The following KRT8 variants were observed in gnomAD, a reference collection of about 807,000 sequenced individuals.
KRT8 encodes keratin, type II cytoskeletal 8.
A neutral mutation model predicts 43.0 loss-of-function variants in KRT8; 24 were observed. The observed-to-expected ratio is 0.56, with a 90% confidence interval of 0.40 to 0.78. The LOEUF is 0.78. Among genes scored for constraint, KRT8 ranks in the 30% least tolerant of loss-of-function variants. The pLI is 0.00. For synonymous variants in KRT8, 214 were observed against 261.2 expected (o/e 0.82, Z 1.74); for missense variants, 492 against 638.4 (o/e 0.77, Z 2.47).
intron 2 of KRT8, among the ~76,000 whole-genome samples, chr12:52,944,941 A>G (rs751336349): frequency 3.5e-4 from 54 of 152,156 alleles, no homozygotes; most frequent in Non-Finnish European, 6.8e-4. Flanking sequence ...CCTGCTCCGC[A>G]GCTGCCTCTG....
chr12:52,905,506 T>C (rs1398629002), upstream of KRT8, among the ~76,000 whole-genome samples: 1 of 152,094 alleles, frequency 6.6e-6, no homozygotes, highest in Non-Finnish European at 1.5e-5. Context: ...GAAACTCTCC[T>C]GTGTTCTCCC....
chr12:52,899,463 T>C (rs1404192509), intron 5 of KRT8, among the ~76,000 whole-genome samples: 1 of 152,118 alleles, frequency 6.6e-6, no homozygotes, highest in Non-Finnish European at 1.5e-5. Context: ...TTCTAGACTT[T>C]CCTTAAAGCA....
intron 2 of KRT8, among the ~76,000 whole-genome samples, chr12:52,937,443 T>C (rs1042941691): frequency 6.6e-6 from 1 of 151,108 alleles, no homozygotes; most frequent in East Asian, 1.9e-4. Context: ...ATCCCAGCAC[T>C]TTGGGAGGCT....
intron 2 of KRT8, among the ~76,000 whole-genome samples, chr12:52,915,848 C>T (rs551219493): frequency 2.6e-5 from 4 of 152,258 alleles, no homozygotes; most frequent in Non-Finnish European, 4.4e-5. Context: ...TAAAGATATC[C>T]GTGTACACAC....
chr12:52,939,389 A>G (rs1285616319), intron 2 of KRT8, among the ~76,000 whole-genome samples: 1 of 152,146 alleles, frequency 6.6e-6, no homozygotes, highest in Non-Finnish European at 1.5e-5. Flanking sequence ...CTTTAGTCCC[A>G]GCTACTTGGG....
At chr12:52,948,706 G>T in intron 2 of KRT8, 1 of 386,818 alleles carries the variant, frequency 2.6e-6, no homozygotes, top group Non-Finnish European at 4.6e-6. Flanking sequence ...TGGCTAGGAT[G>T]GTCTCGATCT....
chr12:52,910,337 C>T (rs150099507), upstream of KRT8, among the ~76,000 whole-genome samples: 442 of 152,330 alleles, frequency 2.9e-3, 1 homozygote, highest in Non-Finnish European at 5.3e-3. Flanking sequence ...AGCTCTGGTC[C>T]CAACACCAAG....
At chr12:52,897,594 C>T (rs1065648) in exon 8 of KRT8, 6 of 1,598,138 alleles carry the variant, frequency 3.8e-6, no homozygotes, top group African/African-American at 1.3e-5. Context: ...GCTTGTGAGG[C>T]CCCCATAGGC....
intron 2 of KRT8, among the ~76,000 whole-genome samples, chr12:52,917,399 CAA>C (rs1280389241): frequency 1.6e-5 from 2 of 123,346 alleles, no homozygotes. Context: ...AACTCCATCT[CAA>C]AAAAAAAAAA....
chr12:52,900,490 T>C (rs1941339629), intron 4 of KRT8, 98 bp downstream of exon 4: 1 of 800,976 alleles, frequency 1.2e-6, no homozygotes, highest in South Asian at 1.4e-5. Context: ...TTTGTCTTAT[T>C]AGTGTGCTGG....
intron 1 of KRT8, among the ~76,000 whole-genome samples, chr12:52,903,041 TA>T (rs1941413975): frequency 6.6e-6 from 1 of 152,044 alleles, no homozygotes; most frequent in African/African-American, 2.4e-5. Flanking sequence ...TAACTCCTTC[TA>T]AACTGGAGGG....
intron 2 of KRT8, among the ~76,000 whole-genome samples, chr12:52,935,226 C>CA (rs1159530969): frequency 6.7e-6 from 1 of 148,888 alleles, no homozygotes; most frequent in Non-Finnish European, 1.5e-5. Context: ...ACTAAAAATA[C>CA]AAAAAATTAG....
At chr12:52,920,309 A>G (rs770098572) in intron 2 of KRT8, among the ~76,000 whole-genome samples, 6 of 152,174 alleles carry the variant, frequency 3.9e-5, no homozygotes, top group Non-Finnish European at 7.3e-5. Flanking sequence ...CAAAATGGAC[A>G]GCCCCAGCCC....
At position 52,940,386 on chromosome 12, in the gene KRT8, T is replaced by C. The variant is rs188821918; in HGVS notation, c.-47+9070A>G. ...AGGTGGAGGTTGCAGTGAACCAAGA[T>C]CATGCCACTGCACTCCAGCCTGGGC... On this transcript the variant is annotated intron_variant, in intron 2 of 6. Transcript: ENST00000546826. Among the ~76,000 whole-genome samples, 434 of 133,348 alleles carry C rather than the reference T, an allele frequency of 3.3e-3. 5 individuals carry two copies. Among genetic ancestry groups the C allele is most frequent in the African/African-American group, 0.012 (415 of 34,644 alleles). The allele number at this position is 133,348 out of a possible 152,430, so 87.5% of individuals were successfully genotyped here.
At chr12:52,897,241 G>T in exon 8 of KRT8, 2 of 670,098 alleles carry the variant, frequency 3.0e-6, no homozygotes, top group Non-Finnish European at 2.7e-6. Flanking sequence ...AAAAGCAATT[G>T]AATTGTTTTG....
chr12:52,947,670 G>A (rs933996493), intron 2 of KRT8: 37 of 148,954 alleles, frequency 2.5e-4, no homozygotes, highest in African/African-American at 8.2e-4. Flanking sequence ...TAGAGAAGGG[G>A]TGTCACCATG....
At chr12:52,911,601 G>T (rs560960234), upstream of KRT8, among the ~76,000 whole-genome samples, 1 of 152,138 alleles carries the variant, frequency 6.6e-6, no homozygotes, top group Non-Finnish European at 1.5e-5. Flanking sequence ...ACACTATAAA[G>T]TAGGTGCCAT....
chr12:52,925,703 C>A (rs1941975457), intron 2 of KRT8, among the ~76,000 whole-genome samples: 1 of 152,114 alleles, frequency 6.6e-6, no homozygotes, highest in South Asian at 2.1e-4. Flanking sequence ...AAGTTGGGCT[C>A]CAGGGCTGGG....
chr12:52,925,556 G>C (rs1173546466), intron 2 of KRT8, among the ~76,000 whole-genome samples: 1 of 152,162 alleles, frequency 6.6e-6, no homozygotes. Flanking sequence ...GCACATTCAG[G>C]AATGAGATTG....
Sources: gnomAD v4.1 joint callset for allele counts (sites outside exome capture counted in the v4.1 genomes callset) on GRCh38, gnomAD v4.1.1 for gene constraint, MANE v1.5 for transcripts, NCBI Gene and HGNC (gene_info 2026-07-23, HGNC 2026-07-21) for gene names.